AGBL1: variants seen among roughly 807,000 people sequenced by gnomAD.
AGBL1 encodes AGBL carboxypeptidase 1, also known as cytosolic carboxypeptidase 4.
A neutral mutation model predicts 118.9 loss-of-function variants in AGBL1; 130 were observed. The ratio of observed to expected loss-of-function variants is 1.09; its 90% confidence interval spans 0.95 to 1.26. The LOEUF (loss-of-function observed/expected upper bound fraction) is 1.26. AGBL1 is among the 50% of genes most tolerant of loss of function. The pLI is 0.00. For missense variants in AGBL1, 1,584 were observed against 1,298.1 expected, an observed-to-expected ratio of 1.22 and a Z score of -3.38; for synonymous variants, 555 against 478.9, an observed-to-expected ratio of 1.16 and a Z score of -2.08.
chr15:86,475,518 T>C (rs573046985), intron 18 of AGBL1, among the ~76,000 whole-genome samples: 2 of 151,928 alleles, frequency 1.3e-5, no homozygotes, highest in Non-Finnish European at 2.9e-5. Context: ...AAGAGAAGTT[T>C]AGAGAAAAAA....
At chr15:86,918,432 C>CTTG (rs1242542611), downstream of AGBL1, among the ~76,000 whole-genome samples, 4 of 152,034 alleles carry the variant, frequency 2.6e-5, no homozygotes, top group African/African-American at 9.7e-5. Context: ...TCATTTTTCC[C>CTTG]TTGAGGCAAA....
chr15:86,552,057 G>A (rs1300085195), intron 20 of AGBL1, among the ~76,000 whole-genome samples: 1 of 152,118 alleles, frequency 6.6e-6, no homozygotes, highest in Non-Finnish European at 1.5e-5. Context: ...GTAATATTGA[G>A]TACACATCAT....
At position 86,649,004 on chromosome 15, in the gene AGBL1, AC is replaced by A. The variant is rs112994204; in HGVS notation, c.2995-25266del. Among the ~76,000 whole-genome samples, 891 of 152,126 alleles carry A rather than the reference AC, an allele frequency of 5.9e-3. 8 individuals are homozygous for A. Among genetic ancestry groups the A allele is most frequent in the African/African-American group, 0.02 (839 of 41,502 alleles). On this transcript the variant is annotated intron_variant, in intron 21 of 22. Coordinates refer to ENST00000614907, the MANE Select transcript of AGBL1 (RefSeq NM_001386094.1). ...TTGGAAGGAAGAGTGATATGAAGAGACCCTTTTTAAGAGATGGAGAAATGAT... is the reference window on the plus strand; with the variant it reads ...TTGGAAGGAAGAGTGATATGAAGAGACCTTTTTAAGAGATGGAGAAATGAT...
chr15:86,377,767 C>A (rs1210028779), intron 17 of AGBL1, among the ~76,000 whole-genome samples: 1 of 152,150 alleles, frequency 6.6e-6, no homozygotes, highest in African/African-American at 2.4e-5. Context: ...TATTCCCAGC[C>A]CATTCCTACA....
At chr15:86,669,982 GTTATAA>G (rs1299939724) in intron 21 of AGBL1, among the ~76,000 whole-genome samples, 1 of 151,982 alleles carries the variant, frequency 6.6e-6, no homozygotes, top group Non-Finnish European at 1.5e-5. Flanking sequence ...CTAAATGGTT[GTTATAA>G]TTATCATTTT....
rs373188002 is a variant in AGBL1, at chr15:86,170,966, C to G, written c.488+11940C>G. ...CACAGAAACAAAAATAAGAATCTAA[C>G]AGATTTCTTGTTGGAAACAATGCAA... is the stretch of plus-strand genomic sequence containing the variant. On this transcript the variant is annotated intron_variant, in intron 5 of 22. Transcript: ENST00000614907. Among the ~76,000 whole-genome samples, 59 of 151,066 alleles carry G rather than the reference C, an allele frequency of 3.9e-4. 2 individuals are homozygous for G. Among genetic ancestry groups the G allele is most frequent in the Admixed American group, 1.8e-3 (28 of 15,176 alleles).
chr15:86,180,710 G>A (rs147489097), intron 5 of AGBL1, among the ~76,000 whole-genome samples: 2,482 of 151,952 alleles, frequency 0.016, 46 homozygotes, highest in Non-Finnish European at 0.02. Context: ...AGCTCAAAAG[G>A]CATTATTAAA....
At chr15:86,177,818 T>C (rs1035230695) in intron 5 of AGBL1, among the ~76,000 whole-genome samples, 22 of 152,060 alleles carry the variant, frequency 1.4e-4, no homozygotes, top group African/African-American at 4.8e-4. Flanking sequence ...AGTAGGCACA[T>C]ATCAGAAAAG....
chr15:86,617,992 A>G (rs1051074029), intron 21 of AGBL1, among the ~76,000 whole-genome samples: 49 of 152,208 alleles, frequency 3.2e-4, no homozygotes, highest in East Asian at 5.8e-4. Flanking sequence ...TAACATTTCT[A>G]TAAGGTAGAA....
intron 17 of AGBL1, among the ~76,000 whole-genome samples, chr15:86,343,425 C>G (rs2080491402): frequency 6.6e-6 from 1 of 152,118 alleles, no homozygotes; most frequent in South Asian, 2.1e-4. Flanking sequence ...GGTCTTCCAG[C>G]TAGCCCCAGG....
chr15:86,382,354 T>C (rs1396606179), intron 17 of AGBL1, among the ~76,000 whole-genome samples: 1 of 152,156 alleles, frequency 6.6e-6, no homozygotes, highest in Non-Finnish European at 1.5e-5. Flanking sequence ...AGATCTCAAT[T>C]TCCCATTTTC....
intron 18 of AGBL1, among the ~76,000 whole-genome samples, chr15:86,447,663 A>G (rs2082139065): frequency 6.6e-6 from 1 of 152,202 alleles, no homozygotes; most frequent in Admixed American, 6.5e-5. Context: ...TAGGTAGGGA[A>G]TCCAAAATAA....
intron 19 of AGBL1, among the ~76,000 whole-genome samples, chr15:86,543,216 C>T (rs931797915): frequency 1.8e-4 from 27 of 148,510 alleles, no homozygotes; most frequent in Non-Finnish European, 6.1e-5. Context: ...TTTACAATAT[C>T]TATCTTTAAT....
intron 5 of AGBL1, among the ~76,000 whole-genome samples, chr15:86,209,554 T>C (rs1030231168): frequency 2.0e-5 from 3 of 152,230 alleles, no homozygotes; most frequent in Admixed American, 6.5e-5. Flanking sequence ...ATTGATCCCT[T>C]TACCATTATG....
chr15:86,876,637 C>A (rs767608927), intron 22 of AGBL1, among the ~76,000 whole-genome samples: 2 of 152,166 alleles, frequency 1.3e-5, no homozygotes, highest in Admixed American at 6.5e-5. Flanking sequence ...GTATTTTTAG[C>A]TTTGTAGGCC....
chr15:86,401,168 G>T (rs767632871), intron 18 of AGBL1, among the ~76,000 whole-genome samples: 3 of 152,078 alleles, frequency 2.0e-5, no homozygotes, highest in Non-Finnish European at 4.4e-5. Context: ...AAGTAAGGTG[G>T]TATCTCATTG....
chr15:86,769,597 A>G (rs2078144333), intron 22 of AGBL1, among the ~76,000 whole-genome samples: 1 of 151,964 alleles, frequency 6.6e-6, no homozygotes, highest in Non-Finnish European at 1.5e-5. Flanking sequence ...TGGCCTGGCC[A>G]CCTGCAGGAG....
intron 18 of AGBL1, among the ~76,000 whole-genome samples, chr15:86,513,954 T>C (rs925296376): frequency 1.3e-5 from 2 of 152,108 alleles, no homozygotes; most frequent in Admixed American, 1.3e-4. Context: ...TCCAGACTGA[T>C]ATTCTTTTCT....
At chr15:86,631,666 C>A (rs773710735) in intron 21 of AGBL1, among the ~76,000 whole-genome samples, 1 of 152,150 alleles carries the variant, frequency 6.6e-6, no homozygotes, top group African/African-American at 2.4e-5. Flanking sequence ...TGAACACACT[C>A]CCTGATGGGA....
Sources: gnomAD v4.1 joint callset for allele counts (sites outside exome capture counted in the v4.1 genomes callset) on GRCh38, gnomAD v4.1.1 for gene constraint, MANE v1.5 for transcripts, NCBI Gene and HGNC (gene_info 2026-07-23, HGNC 2026-07-21) for gene names.